Variants in PRELID2 observed in about 807,000 individuals in gnomAD.
PRELID2 encodes PRELI domain containing 2, also known as PRELI domain-containing protein 2.
A neutral mutation model predicts 28.4 loss-of-function variants in PRELID2; 25 were observed. That is an observed-to-expected ratio of 0.88 (90% CI 0.64 to 1.23). PRELID2 has a LOEUF of 1.23. PRELID2 is among the 50% of genes most tolerant of loss of function. The pLI is 0.00. For missense variants in PRELID2, 201 were observed against 214.4 expected (o/e 0.94, Z 0.39); for synonymous variants, 76 against 71.6 (o/e 1.06, Z -0.31).
At position 145,723,451 on chromosome 5, in the gene PRELID2, C is replaced by T. The variant is rs11959927; in HGVS notation, n.70+41480G>A. ...AGACCATTTTGGAACGTTTGCAAAACGTATCACAGATAAAAAGCTATTATC... is the reference window on the plus strand; with the variant it reads ...AGACCATTTTGGAACGTTTGCAAAATGTATCACAGATAAAAAGCTATTATC... On this transcript the variant is annotated intron_variant and non_coding_transcript_variant, in intron 1 of 2. Transcript: ENST00000510259. Among the ~76,000 whole-genome samples the T allele has an allele frequency of 4.3e-3, 635 of 147,300 alleles. 4 individuals are homozygous for T. Among genetic ancestry groups the T allele is most frequent in the African/African-American group, 0.015 (579 of 38,640 alleles).
At chr5:145,393,445 A>T in the PRELID2 span, among the ~76,000 whole-genome samples, 9 of 152,234 alleles carry the variant, frequency 5.9e-5, no homozygotes, top group African/African-American at 2.2e-4. Context: ...TGAGCAAAGA[A>T]TGATTCAAGC....
the PRELID2 span, among the ~76,000 whole-genome samples, chr5:145,285,589 AC>A: frequency 4.2e-4 from 64 of 152,302 alleles, no homozygotes; most frequent in Middle Eastern, 3.4e-3. Context: ...ATTAGTAAAA[AC>A]AAAATCATTT....
rs1491530645 is a variant in PRELID2 at position 145,697,033 on chromosome 5, T to TTTTA, written n.70+67897_70+67898insTAAA. On this transcript the variant is annotated intron_variant and non_coding_transcript_variant, in intron 1 of 2. Transcript: ENST00000510259. ...AGTGGATGTAGGAAAGAGAGGAAAA[T>TTTTA]TATATATATATATATATATATATAT... Among the ~76,000 whole-genome samples, 4 of 50,652 alleles carry TTTTA rather than the reference T, an allele frequency of 7.9e-5. No individual in the cohort carries two copies. The East Asian group carries it at 2.9e-3, about 37-fold the overall frequency. 33.2% of individuals were successfully genotyped at this position (50,652 alleles called of 152,430 possible). A position where few individuals can be genotyped will look rare whatever the true frequency, so the allele number is the denominator to read the frequency against.
At chr5:145,572,110 C>A (rs1003472509) in intron 1 of PRELID2, among the ~76,000 whole-genome samples, 10 of 152,174 alleles carry the variant, frequency 6.6e-5, no homozygotes, top group Non-Finnish European at 1.5e-4. Context: ...TTAACCCACA[C>A]ACTCTCTTCT....
At chr5:145,755,396 A>G (rs532248440), downstream of PRELID2, among the ~76,000 whole-genome samples, 3 of 152,288 alleles carry the variant, frequency 2.0e-5, no homozygotes, top group African/African-American at 7.2e-5. Flanking sequence ...CATTAAAGAC[A>G]ATTTTATGAG....
chr5:145,486,826 G>A (rs1194181695), intron 1 of PRELID2, among the ~76,000 whole-genome samples: 1 of 151,168 alleles, frequency 6.6e-6, no homozygotes, highest in African/African-American at 2.4e-5. Flanking sequence ...CAATAGCAAA[G>A]ACTTGGAACC....
chr5:145,655,191 AG>A (rs1304845044), intron 1 of PRELID2, among the ~76,000 whole-genome samples: 14 of 151,982 alleles, frequency 9.2e-5, no homozygotes, highest in African/African-American at 3.1e-4. Context: ...CCAACTTACA[AG>A]GGATGTGAAG....
the PRELID2 span, among the ~76,000 whole-genome samples, chr5:145,269,510 C>T: frequency 6.6e-6 from 1 of 151,872 alleles, no homozygotes; most frequent in Admixed American, 6.6e-5. Flanking sequence ...AGACAAAATA[C>T]AAAAGCTAAA....
chr5:145,564,596 T>C (rs964924), intron 1 of PRELID2, among the ~76,000 whole-genome samples: 11,294 of 152,226 alleles, frequency 0.074, 637 homozygotes, highest in Admixed American at 0.19. Flanking sequence ...CTGTTTTAAA[T>C]TTTATCTATT....
chr5:145,229,920 C>T, the PRELID2 span: 1 of 750,782 alleles, frequency 1.3e-6, no homozygotes, highest in East Asian at 2.5e-5. Flanking sequence ...CCCACTGTCT[C>T]TCTACAATGA....
chr5:145,700,860 C>T (rs897940242), intron 1 of PRELID2, among the ~76,000 whole-genome samples: 2 of 152,206 alleles, frequency 1.3e-5, no homozygotes, highest in African/African-American at 2.4e-5. Context: ...GCATCTAACA[C>T]CCAGGTGAGC....
At chr5:145,645,247 G>C (rs563730684) in intron 1 of PRELID2, among the ~76,000 whole-genome samples, 1 of 149,132 alleles carries the variant, frequency 6.7e-6, no homozygotes, top group East Asian at 2.0e-4. Flanking sequence ...TTGTTGCATT[G>C]ATCCCTTTAC....
chr5:145,504,591 G>A (rs977745964), intron 1 of PRELID2, among the ~76,000 whole-genome samples: 25 of 152,086 alleles, frequency 1.6e-4, no homozygotes, highest in African/African-American at 5.6e-4. Context: ...CATCTATCTG[G>A]TTAGGATAAT....
chr5:145,538,554 T>C (rs1377562942), intron 1 of PRELID2, among the ~76,000 whole-genome samples: 5 of 151,968 alleles, frequency 3.3e-5, no homozygotes, highest in African/African-American at 1.2e-4. Context: ...GAAGGTTCTA[T>C]TAGACAGCAC....
At chr5:145,359,258 T>G in the PRELID2 span, among the ~76,000 whole-genome samples, 88 of 152,168 alleles carry the variant, frequency 5.8e-4, no homozygotes, top group Non-Finnish European at 9.6e-4. Flanking sequence ...ATACTCTGGA[T>G]AGTATATTGT....
chr5:145,234,862 G>A, the PRELID2 span, among the ~76,000 whole-genome samples: 2 of 152,104 alleles, frequency 1.3e-5, no homozygotes, highest in African/African-American at 4.8e-5. Context: ...ACCTGAGGAT[G>A]ATGAGGGTAT....
intron 1 of PRELID2, among the ~76,000 whole-genome samples, chr5:145,750,914 C>G (rs1246289345): frequency 1.3e-5 from 2 of 152,122 alleles, no homozygotes; most frequent in Admixed American, 1.3e-4. Context: ...CTAATTATAC[C>G]AATTCCCATT....
At chr5:145,342,902 TAAA>T in the PRELID2 span, among the ~76,000 whole-genome samples, 3 of 128,958 alleles carry the variant, frequency 2.3e-5, no homozygotes, top group South Asian at 4.5e-4. Flanking sequence ...TCAAAAACAG[TAAA>T]AAAAAAAAAA....
chr5:145,317,520 T>C, the PRELID2 span, among the ~76,000 whole-genome samples: 1 of 152,222 alleles, frequency 6.6e-6, no homozygotes, highest in African/African-American at 2.4e-5. Context: ...GAGGGAGGAC[T>C]GACCCTTGAA....
Sources: allele counts gnomAD v4.1 joint callset (sites outside exome capture counted in the v4.1 genomes callset), GRCh38; gene constraint gnomAD v4.1.1; transcripts MANE v1.5; gene names NCBI Gene and HGNC (gene_info 2026-07-23, HGNC 2026-07-21).